Variants in UBE2V2 observed in about 807,000 individuals in gnomAD.
UBE2V2 encodes the protein ubiquitin conjugating enzyme E2 V2.
In UBE2V2, 9 loss-of-function variants were observed where a neutral mutation model predicts 17.2. The ratio of observed to expected loss-of-function variants is 0.52; its 90% CI spans 0.32 to 0.91. The LOEUF is 0.91. UBE2V2 is among the 40% of genes least tolerant of loss of function. UBE2V2 has a pLI of 0.04. For missense variants in UBE2V2, 133 were observed against 182.6 expected, an observed-to-expected ratio of 0.73 and a Z score of 1.56; for synonymous variants, 61 against 57.5, an observed-to-expected ratio of 1.06 and a Z score of -0.28.
At position 48,043,098 on chromosome 8, in the gene UBE2V2, G is replaced by A. The variant is rs1304543337; in HGVS notation, c.82G>A (p.Asp28Asn). Reference protein sequence around the residue: ...ELEEGQKGVGDGTVSWGLEDD... With the variant: ...ELEEGQKGVGNGTVSWGLEDD... ...TGAAGAAGGACAAAAAGGAGTAGGC[G>A]ACGGTACAGTTAGCTGGGGCCTTGA... is the stretch of plus-strand genomic sequence containing the variant. The change falls in exon 2 of 4, where the codon GAC (aspartate) becomes AAC (asparagine). Residue 28 changes from aspartate to asparagine, a missense_variant. Asp to Asn is a conservative substitution (Grantham distance 23). Coordinates refer to ENST00000523111, the MANE Select transcript of UBE2V2 (RefSeq NM_003350.3). The A allele has an allele frequency of 4.4e-6, 7 of 1,599,918 alleles. No homozygotes were observed. The highest frequency in any genetic ancestry group is 6.0e-6 in the Non-Finnish European group (7 of 1,171,480).
chr8:48,010,591 CG>C (rs2091221876), intron 1 of UBE2V2, among the ~76,000 whole-genome samples: 1 of 149,654 alleles, frequency 6.7e-6, no homozygotes, highest in African/African-American at 2.5e-5. Flanking sequence ...TTAGTAGAGA[CG>C]GGGTTTCACC....
intron 3 of UBE2V2, among the ~76,000 whole-genome samples, chr8:48,058,896 T>C (rs1460879447): frequency 1.3e-5 from 2 of 151,902 alleles, no homozygotes; most frequent in African/African-American, 4.8e-5. Context: ...CTGGGATAGG[T>C]CCTACTTGTA....
chr8:48,026,176 G>C (rs1489512699), intron 1 of UBE2V2, among the ~76,000 whole-genome samples: 1 of 151,864 alleles, frequency 6.6e-6, no homozygotes. Context: ...TTATCGGGTA[G>C]GAAGAACTTG....
intron 1 of UBE2V2, among the ~76,000 whole-genome samples, chr8:48,025,486 C>T (rs1040858869): frequency 6.6e-6 from 1 of 150,406 alleles, no homozygotes; most frequent in Non-Finnish European, 1.5e-5. Flanking sequence ...CCATATTGAC[C>T]AGGCTGGTCT....
chr8:47,999,542 A>G, the UBE2V2 span, among the ~76,000 whole-genome samples: 1 of 151,500 alleles, frequency 6.6e-6, no homozygotes, highest in Non-Finnish European at 1.5e-5. Flanking sequence ...TTGTATTTTT[A>G]GTAGAGACGG....
chr8:48,053,499 C>T (rs2091552677), intron 3 of UBE2V2, among the ~76,000 whole-genome samples: 2 of 150,334 alleles, frequency 1.3e-5, no homozygotes, highest in Admixed American at 1.3e-4. Context: ...TCTTGGCTCA[C>T]TGCAACCTCT....
At chr8:48,013,831 T>A (rs887126725) in intron 1 of UBE2V2, among the ~76,000 whole-genome samples, 2 of 152,182 alleles carry the variant, frequency 1.3e-5, no homozygotes, top group African/African-American at 4.8e-5. Context: ...CTGGAAGAAC[T>A]AGTTTAGCAG....
chr8:48,049,612 G>T (rs1175776057), intron 2 of UBE2V2: 2 of 296,582 alleles, frequency 6.7e-6, no homozygotes, highest in Non-Finnish European at 1.2e-5. Flanking sequence ...ATACTTTGTA[G>T]AATTAATTTT....
chr8:48,043,347 G>A (rs930677178), intron 2 of UBE2V2, among the ~76,000 whole-genome samples, 166 bp downstream of exon 2: 2 of 151,976 alleles, frequency 1.3e-5, no homozygotes, highest in East Asian at 3.9e-4. Flanking sequence ...TATAATGCTC[G>A]ATTACGTAGA....
chr8:48,008,543 C>T (rs1165859274), intron 1 of UBE2V2, 73 bp downstream of exon 1: 18 of 1,505,538 alleles, frequency 1.2e-5, no homozygotes, highest in Non-Finnish European at 1.5e-5. Flanking sequence ...TGCTGGCGCC[C>T]GAGCGCTGAC....
rs930889956 is a variant in UBE2V2 at position 48,038,416 on chromosome 8, A to G, written c.17-4617A>G. On this transcript the variant is annotated intron_variant, in intron 1 of 3. Transcript: ENST00000523111. ...TACTACAACCTCTGCTTCCTGTGCAAGTGATCCTCCCGCCTTAGTCTCCTG... is the reference window on the plus strand; with the variant it reads ...TACTACAACCTCTGCTTCCTGTGCAGGTGATCCTCCCGCCTTAGTCTCCTG... Among the ~76,000 whole-genome samples the G allele has an allele frequency of 2.0e-5, 3 of 151,958 alleles. No homozygotes were observed. The East Asian group carries it at 5.8e-4, about 29-fold the overall frequency.
Position 48,046,487 on chromosome 8 carries a change from A to G in UBE2V2, c.165+3306A>G, listed in dbSNP as rs554469122. Among the ~76,000 whole-genome samples, 3 of 152,266 alleles carry G rather than the reference A, an allele frequency of 2.0e-5. No individual in the cohort carries two copies. The East Asian group carries it at 5.8e-4, about 29-fold the overall frequency. ...AGGCTGGTCTCAGACTCCCGACCTC[A>G]GATGATCCGCCCACCTCGGCCTTCG... On this transcript the variant is annotated intron_variant, in intron 2 of 3. Coordinates refer to ENST00000523111, the MANE Select transcript of UBE2V2 (RefSeq NM_003350.3).
At chr8:48,037,971 GGGTGC>G in intron 1 of UBE2V2, among the ~76,000 whole-genome samples, 1 of 152,272 alleles carries the variant, frequency 6.6e-6, no homozygotes, top group African/African-American at 2.4e-5. Context: ...GAATTGCTAA[GGGTGC>G]CCTTCCAGGC....
intron 3 of UBE2V2, among the ~76,000 whole-genome samples, chr8:48,051,356 C>A (rs944571069): frequency 6.6e-6 from 1 of 152,122 alleles, no homozygotes; most frequent in African/African-American, 2.4e-5. Context: ...TGAGTATCAT[C>A]CATCTTAGGA....
chr8:47,998,456 G>A, the UBE2V2 span, among the ~76,000 whole-genome samples: 1 of 151,942 alleles, frequency 6.6e-6, no homozygotes, highest in African/African-American at 2.4e-5. Flanking sequence ...CCTGGAGGCC[G>A]GAGGAAGCCC....
At position 48,049,720 on chromosome 8, in the gene UBE2V2, AAAAT is replaced by A. The variant is rs1293405778; in HGVS notation, c.166-128_166-125del. ...TAGGTGAAATAAATTTGAATGTAGAAAAATAAATTCTTAATCATAAACACTGTCT... is the reference window on the plus strand; with the variant it reads ...TAGGTGAAATAAATTTGAATGTAGAAAAATTCTTAATCATAAACACTGTCT... On this transcript the variant is annotated intron_variant, in intron 2 of 3. Transcript: ENST00000523111. The A allele has an allele frequency of 2.1e-5, 16 of 767,362 alleles. No homozygotes were observed. In the East Asian group the frequency reaches 4.2e-4, roughly 20 times the overall value. The allele number at this position is 767,362 out of a possible 1,614,324, so 47.5% of individuals were successfully genotyped here.
chr8:48,034,610 A>T (rs1159777471), intron 1 of UBE2V2, among the ~76,000 whole-genome samples: 2 of 141,388 alleles, frequency 1.4e-5, no homozygotes, highest in Non-Finnish European at 3.0e-5. Flanking sequence ...AATATAATTC[A>T]TGTAGTTTAA....
chr8:48,008,661 C>A lies in UBE2V2; in HGVS notation c.16+191C>A, dbSNP rs965960600. On this transcript the variant is annotated intron_variant, in intron 1 of 3. Transcript: ENST00000523111. ...GAGGCCCCGGCGGCCGTCGGGTTGG[C>A]GGGTCGTGCTCGCGCGTCGGCCGCG... 11 of 740,220 alleles carry A rather than the reference C, an allele frequency of 1.5e-5. No homozygotes were observed. In the Admixed American group the frequency reaches 1.5e-4, roughly 10 times the overall value. The allele number at this position is 740,220 out of a possible 1,614,324, so 45.9% of individuals were successfully genotyped here. A position where few individuals can be genotyped will look rare whatever the true frequency, so the allele number is the denominator to read the frequency against.
At chr8:48,035,072 G>T (rs1432255754) in intron 1 of UBE2V2, 3 of 963,564 alleles carry the variant, frequency 3.1e-6, no homozygotes, top group Non-Finnish European at 3.7e-6. Context: ...GTGAGTGCCA[G>T]AACTGGCCTT....
Sources: allele counts gnomAD v4.1 joint callset (sites outside exome capture counted in the v4.1 genomes callset), GRCh38; gene constraint gnomAD v4.1.1; transcripts MANE v1.5; gene names NCBI Gene and HGNC (gene_info 2026-07-23, HGNC 2026-07-21).